FBN1: variants seen among roughly 807,000 people sequenced by gnomAD.
The protein encoded by FBN1 is fibrillin-1.
Under a neutral mutation model 365.1 loss-of-function variants are expected in FBN1, and 29 were observed. That is an observed-to-expected ratio of 0.08 (90% confidence interval 0.06 to 0.11). The LOEUF is 0.11. Among genes scored for constraint, FBN1 ranks in the 10% least tolerant of loss-of-function variants. The pLI, the probability that FBN1 is intolerant of heterozygous loss-of-function variation, is 1.00. For synonymous variants in FBN1, 1,210 were observed against 1,270.5 expected (o/e 0.95, Z 1.01); for missense variants, 2,476 against 3,703.2 (o/e 0.67, Z 8.60).
chr15:48,585,838 T>C (rs983910930), intron 6 of FBN1, among the ~76,000 whole-genome samples: 1 of 152,156 alleles, frequency 6.6e-6, no homozygotes, highest in Non-Finnish European at 1.5e-5. Flanking sequence ...AATACTGAAA[T>C]AATACCTATA....
intron 8 of FBN1, chr15:48,529,069 G>A (rs2043943313): frequency 6.6e-6 from 1 of 152,200 alleles, no homozygotes; most frequent in East Asian, 1.9e-4. Context: ...CAAGTTAAGA[G>A]GGAATTTGAG....
At chr15:48,426,655 C>T (rs538841050) in intron 58 of FBN1, among the ~76,000 whole-genome samples, 2 of 152,240 alleles carry the variant, frequency 1.3e-5, no homozygotes, top group East Asian at 3.9e-4. Flanking sequence ...TGCCAAATAA[C>T]CATTTTATAC....
At chr15:48,618,747 C>T (rs1452639259) in intron 2 of FBN1, among the ~76,000 whole-genome samples, 3 of 152,174 alleles carry the variant, frequency 2.0e-5, no homozygotes, top group Non-Finnish European at 4.4e-5. Context: ...ACAGCTGCTC[C>T]CATCACTCTC....
intron 2 of FBN1, among the ~76,000 whole-genome samples, chr15:48,634,458 T>G (rs1374185878): frequency 6.6e-6 from 1 of 152,102 alleles, no homozygotes; most frequent in Non-Finnish European, 1.5e-5. Context: ...TCAATCTCTT[T>G]CAAAACCCAG....
At chr15:48,474,177 G>T in intron 34 of FBN1, 78 bp downstream of exon 34, 1 of 1,600,010 alleles carries the variant, frequency 6.2e-7, no homozygotes, top group Non-Finnish European at 8.5e-7. Flanking sequence ...CTTCAAAAAA[G>T]AATTGCTAGC....
At chr15:48,612,525 C>T (rs1161968087) in intron 3 of FBN1, among the ~76,000 whole-genome samples, 2 of 152,102 alleles carry the variant, frequency 1.3e-5, no homozygotes, top group Non-Finnish European at 2.9e-5. Flanking sequence ...AATAGAGGAA[C>T]CTCTGTTATC....
At chr15:48,500,640 G>C (rs560254557) in intron 17 of FBN1, among the ~76,000 whole-genome samples, 1 of 152,296 alleles carries the variant, frequency 6.6e-6, no homozygotes, top group South Asian at 2.1e-4. Context: ...CTAACTCCGC[G>C]TAGTGCCATG....
chr15:48,544,438 T>C (rs1051734336), intron 6 of FBN1, among the ~76,000 whole-genome samples: 5 of 152,200 alleles, frequency 3.3e-5, no homozygotes, highest in African/African-American at 1.2e-4. Context: ...AAATAAACCA[T>C]ATAGGAAAAA....
At chr15:48,548,547 A>G (rs529229985) in intron 6 of FBN1, among the ~76,000 whole-genome samples, 37 of 152,326 alleles carry the variant, frequency 2.4e-4, no homozygotes, top group Non-Finnish European at 4.6e-4. Context: ...TCCTGAGACT[A>G]TAAGTCCTAC....
At chr15:48,591,846 A>G (rs974766197) in intron 6 of FBN1, among the ~76,000 whole-genome samples, 9 of 152,142 alleles carry the variant, frequency 5.9e-5, no homozygotes, top group African/African-American at 2.2e-4. Flanking sequence ...AGTGAAGTCC[A>G]AGTACTACAC....
At chr15:48,560,252 A>G (rs1302613165) in intron 6 of FBN1, among the ~76,000 whole-genome samples, 1 of 152,192 alleles carries the variant, frequency 6.6e-6, no homozygotes, top group Non-Finnish European at 1.5e-5. Flanking sequence ...CCTGTAGGAG[A>G]TAGCAATAAA....
intron 45 of FBN1, among the ~76,000 whole-genome samples, chr15:48,450,186 G>C (rs1035360439): frequency 3.3e-5 from 5 of 152,202 alleles, no homozygotes; most frequent in Non-Finnish European, 7.3e-5. Flanking sequence ...TCTTGAGGAA[G>C]GGTGTCTCAG....
chr15:48,460,018 A>G (rs367672702), intron 43 of FBN1, among the ~76,000 whole-genome samples: 13 of 152,330 alleles, frequency 8.5e-5, no homozygotes, highest in African/African-American at 2.9e-4. Flanking sequence ...TAATTTTGGG[A>G]AAAGCTTTCC....
In FBN1 at chr15:48,409,179, C is replaced by T. The variant is rs772970380; in HGVS notation, c.*1811G>A. The T allele has an allele frequency of 6.6e-6, 1 of 152,176 alleles. No individual in the cohort carries two copies. The highest frequency in any genetic ancestry group is 1.5e-5 in the Non-Finnish European group (1 of 68,034). The allele number at this position is 152,176 out of a possible 1,614,324, so 9.4% of individuals were successfully genotyped here. On this transcript the variant is annotated 3_prime_UTR_variant, in exon 66 of 66. Transcript: ENST00000316623. ...TCTTTGTCCAATGGTTGCCATTAAGCCTAGACTGAAACTCTTCTATCTTGT... is the reference window on the plus strand; with the variant it reads ...TCTTTGTCCAATGGTTGCCATTAAGTCTAGACTGAAACTCTTCTATCTTGT...
chr15:48,490,150 T>C (rs1472022213), intron 24 of FBN1, 72 bp from the exon 25 acceptor site: 10 of 1,232,466 alleles, frequency 8.1e-6, no homozygotes, highest in Non-Finnish European at 1.1e-5. Flanking sequence ...CAACACTCTG[T>C]TAGGTAAAAT....
In FBN1 at chr15:48,417,473, C is replaced by CTTCCTTCCTTCCTTCCT. The variant is rs1350236230; in HGVS notation, c.7820-1707_7820-1706insAGGAAGGAAGGAAGGAA. 7.7e-3 allele frequency among the ~76,000 whole-genome samples: 795 copies of CTTCCTTCCTTCCTTCCT among 103,702 alleles called. 5 individuals carry two copies. The highest frequency in any genetic ancestry group is 0.033 in the East Asian group (101 of 3,080). 68.0% of individuals were successfully genotyped at this position (103,702 alleles called of 152,430 possible). ...TTTCCTTCCTTCCTTCCTTCCTTTC[C>CTTCCTTCCTTCCTTCCT]TTCCTTCCTTCCTTCTCTCCTCCCC... On this transcript the variant is annotated intron_variant, in intron 63 of 65. Transcript: ENST00000316623.
chr15:48,637,521 G>T (rs1279085908), intron 2 of FBN1, among the ~76,000 whole-genome samples: 2 of 152,140 alleles, frequency 1.3e-5, no homozygotes, highest in Non-Finnish European at 2.9e-5. Context: ...TGCCAACCCT[G>T]CCCAACTGCA....
chr15:48,596,439 C>G, intron 5 of FBN1, 61 bp from the exon 6 acceptor site: 1 of 1,470,420 alleles, frequency 6.8e-7, no homozygotes, highest in Non-Finnish European at 9.5e-7. Context: ...TGAAGTAACA[C>G]TTGTGGTCCT....
chr15:48,435,772 A>ATATATATATATATGTG (rs1555395092), intron 53 of FBN1, among the ~76,000 whole-genome samples: 1 of 106,346 alleles, frequency 9.4e-6, no homozygotes, highest in Non-Finnish European at 1.8e-5. Flanking sequence ...ATATGTGTAT[A>ATATATATATATATGTG]TGTGTGTGTG....
Sources: allele counts gnomAD v4.1 joint callset (sites outside exome capture counted in the v4.1 genomes callset), GRCh38; gene constraint gnomAD v4.1.1; transcripts MANE v1.5; gene names NCBI Gene and HGNC (gene_info 2026-07-23, HGNC 2026-07-21).